CDH13: variants seen among roughly 807,000 people sequenced by gnomAD.
The protein encoded by CDH13 is cadherin 13, also known as cadherin-13.
In CDH13, 24 loss-of-function variants were observed where a neutral mutation model predicts 63.8. The observed-to-expected ratio is 0.38, with a 90% CI of 0.27 to 0.53. CDH13 has a LOEUF of 0.53. Among genes scored for constraint, CDH13 ranks in the 20% least tolerant of loss-of-function variants. The pLI, the probability that CDH13 is intolerant of heterozygous loss-of-function variation, is 0.85. For missense variants in CDH13, 1,049 were observed against 903.1 expected, an observed-to-expected ratio of 1.16 and a Z score of -2.07; for synonymous variants, 503 against 355.3, an observed-to-expected ratio of 1.42 and a Z score of -4.67.
Position 83,391,301 on chromosome 16 carries a change from G to A in CDH13, c.781+46295G>A, listed in dbSNP as rs1187008934. ...GCTTACTGCAACCTCTGCCTCCCGG[G>A]TTCAAATGATTCTCCTGCCTCAGCC... On this transcript the variant is annotated intron_variant, in intron 6 of 13. Coordinates refer to ENST00000567109, the MANE Select transcript of CDH13 (RefSeq NM_001257.5). Among the ~76,000 whole-genome samples, 3 of 152,010 alleles carry A rather than the reference G, an allele frequency of 2.0e-5. No individual in the cohort carries two copies. The East Asian group carries it at 5.8e-4, about 29-fold the overall frequency.
At chr16:82,953,774 C>G (rs1290372769) in intron 2 of CDH13, 3 of 152,080 alleles carry the variant, frequency 2.0e-5, no homozygotes, top group Admixed American at 2.0e-4. Context: ...TGTAGGAAAG[C>G]CAAGACAGGC....
At chr16:83,065,706 AAAAAAAC>A (rs1460269130) in intron 3 of CDH13, among the ~76,000 whole-genome samples, 8 of 87,902 alleles carry the variant, frequency 9.1e-5, no homozygotes, top group African/African-American at 3.4e-4. Context: ...TTTGTCTCAA[AAAAAAAC>A]AAAAAAACAA....
At chr16:82,945,530 A>C (rs535799018) in intron 2 of CDH13, among the ~76,000 whole-genome samples, 3 of 152,242 alleles carry the variant, frequency 2.0e-5, no homozygotes, top group Admixed American at 1.3e-4. Context: ...AACAATAATA[A>C]CAAAATATCT....
chr16:82,710,410 T>C (rs961390216), intron 1 of CDH13, among the ~76,000 whole-genome samples: 2 of 145,448 alleles, frequency 1.4e-5, no homozygotes, highest in South Asian at 2.1e-4. Context: ...GTGGGTGCTG[T>C]AGTCCCACCT....
At position 82,978,790 on chromosome 16, in the gene CDH13, C is replaced by T. The variant is rs1470118598; in HGVS notation, c.158-53220C>T. 6.6e-5 allele frequency among the ~76,000 whole-genome samples: 10 copies of T among 152,346 alleles called. No homozygotes were observed. The East Asian group carries it at 1.7e-3, about 26-fold the overall frequency. ...CAGAAGGGAAATATGGGGTTGGAGCCCCCACACAGAGTCCCCACTGGGGCA... is the reference window on the plus strand; with the variant it reads ...CAGAAGGGAAATATGGGGTTGGAGCTCCCACACAGAGTCCCCACTGGGGCA... On this transcript the variant is annotated intron_variant, in intron 2 of 13. Transcript: ENST00000567109.
At chr16:83,627,138 A>AC (rs1230972664) in intron 8 of CDH13, among the ~76,000 whole-genome samples, 18 of 151,502 alleles carry the variant, frequency 1.2e-4, no homozygotes. Context: ...AAAAAAAAAA[A>AC]AATGAGCTGA....
intron 1 of CDH13, among the ~76,000 whole-genome samples, chr16:82,770,253 TGA>T (rs1203823423): frequency 6.6e-6 from 1 of 152,272 alleles, no homozygotes. Context: ...TTCCTTTGTG[TGA>T]GTGTGTGTTT....
chr16:82,996,942 GTGT>G (rs371273797), intron 2 of CDH13, among the ~76,000 whole-genome samples: 35 of 116,214 alleles, frequency 3.0e-4, no homozygotes, highest in African/African-American at 4.1e-4. Context: ...AATTACGATG[GTGT>G]TGTTGATGAT....
At chr16:82,819,597 CAG>C (rs1430938134) in intron 1 of CDH13, among the ~76,000 whole-genome samples, 1 of 152,114 alleles carries the variant, frequency 6.6e-6, no homozygotes, top group Non-Finnish European at 1.5e-5. Context: ...ACATGGGAGA[CAG>C]AGGAAATTAA....
chr16:83,048,255 A>C (rs775196846), intron 3 of CDH13, among the ~76,000 whole-genome samples: 1 of 152,202 alleles, frequency 6.6e-6, no homozygotes, highest in Non-Finnish European at 1.5e-5. Flanking sequence ...TTGAGTTTTG[A>C]AAAGAACTCA....
At chr16:82,841,089 GAC>G (rs1457487810) in intron 1 of CDH13, among the ~76,000 whole-genome samples, 1 of 152,220 alleles carries the variant, frequency 6.6e-6, no homozygotes, top group Non-Finnish European at 1.5e-5. Flanking sequence ...ATGGCCTGTG[GAC>G]ATCTAGAAAT....
At chr16:83,387,523 A>C (rs2091698540) in intron 6 of CDH13, among the ~76,000 whole-genome samples, 1 of 152,214 alleles carries the variant, frequency 6.6e-6, no homozygotes, top group Non-Finnish European at 1.5e-5. Context: ...AAAAATTTAA[A>C]GTAAATGAAC....
At chr16:83,720,180 T>TAC (rs375408617) in intron 10 of CDH13, among the ~76,000 whole-genome samples, 102 of 151,042 alleles carry the variant, frequency 6.8e-4, no homozygotes, top group East Asian at 2.7e-3. Context: ...AGTACATACG[T>TAC]ACACACACAC....
intron 7 of CDH13, among the ~76,000 whole-genome samples, chr16:83,532,520 T>C (rs916788507): frequency 1.6e-4 from 24 of 152,242 alleles, no homozygotes; most frequent in African/African-American, 5.8e-4. Context: ...GCGGGCTCTT[T>C]GCTGCTGCAT....
chr16:82,848,727 A>G (rs2039365551), intron 1 of CDH13, among the ~76,000 whole-genome samples: 1 of 152,184 alleles, frequency 6.6e-6, no homozygotes, highest in Non-Finnish European at 1.5e-5. Flanking sequence ...ACACAGCAAT[A>G]TTGAAGTTAG....
intron 7 of CDH13, among the ~76,000 whole-genome samples, chr16:83,547,894 G>C (rs1487667384): frequency 6.6e-6 from 1 of 152,154 alleles, no homozygotes; most frequent in South Asian, 2.1e-4. Flanking sequence ...GGGGCATCAG[G>C]AGCTGCTGGG....
At chr16:83,770,562 A>G (rs1177282994) in intron 11 of CDH13, among the ~76,000 whole-genome samples, 2 of 152,204 alleles carry the variant, frequency 1.3e-5, no homozygotes, top group African/African-American at 2.4e-5. Context: ...GGAATAAAAG[A>G]ATGGCTACTC....
At position 83,730,970 on chromosome 16, in the gene CDH13, C is replaced by T. The variant is rs143413212; in HGVS notation, c.1539-17138C>T. ...TAGGTTAATGGCCTCCAGCTGCATC[C>T]ATGTTGCTGCAAAGAACACAATTTC... is the stretch of plus-strand genomic sequence containing the variant. On this transcript the variant is annotated intron_variant, in intron 10 of 13. Transcript: ENST00000567109. 3.9e-3 allele frequency among the ~76,000 whole-genome samples: 588 copies of T among 152,310 alleles called. 3 individuals are homozygous for T. Among genetic ancestry groups the T allele is most frequent in the African/African-American group, 0.014 (572 of 41,556 alleles).
rs563337063 is a variant in CDH13 at position 83,183,895 on chromosome 16, G to A, written c.484-33450G>A. ...AGCAGACATTAGGTGAATTGGTTTT[G>A]ACTAGAAGTAAGGGAGAAAGAACCT... On this transcript the variant is annotated intron_variant, in intron 4 of 13. Transcript: ENST00000567109. Among the ~76,000 whole-genome samples the A allele has an allele frequency of 2.0e-5, 3 of 152,182 alleles. 1 individual carries two copies. The East Asian group carries it at 5.8e-4, about 29-fold the overall frequency.
Sources: allele counts gnomAD v4.1 joint callset (sites outside exome capture counted in the v4.1 genomes callset), GRCh38; gene constraint gnomAD v4.1.1; transcripts MANE v1.5; gene names NCBI Gene and HGNC (gene_info 2026-07-23, HGNC 2026-07-21).